DOT1L: variants seen among roughly 807,000 people sequenced by gnomAD.
The protein encoded by DOT1L is histone-lysine N-methyltransferase, H3 lysine-79 specific.
Under a neutral mutation model 153.3 loss-of-function variants are expected in DOT1L, and 33 were observed. The ratio of observed to expected loss-of-function variants is 0.22; its 90% CI spans 0.16 to 0.29. DOT1L has a LOEUF of 0.29. Among genes scored for constraint, DOT1L ranks in the 10% least tolerant of loss-of-function variants. The pLI, the probability that DOT1L is intolerant of heterozygous loss-of-function variation, is 1.00. For synonymous variants in DOT1L, 1,135 were observed against 965.1 expected, an observed-to-expected ratio of 1.18 and a Z score of -3.26; for missense variants, 1,847 against 2,119.9, an observed-to-expected ratio of 0.87 and a Z score of 2.53.
Position 2,231,571 on chromosome 19 carries a change from T to TAA in DOT1L, c.*1780_*1781dup, listed in dbSNP as rs1413477634. 1 of 200,814 alleles carries TAA rather than the reference T, an allele frequency of 5.0e-6. No homozygotes were observed. Among genetic ancestry groups the TAA allele is most frequent in the Non-Finnish European group, 1.0e-5 (1 of 97,662 alleles). 12.4% of individuals were successfully genotyped at this position (200,814 alleles called of 1,614,324 possible). A position where few individuals can be genotyped will look rare whatever the true frequency, so the allele number is the denominator to read the frequency against. ...AGATGGTGCTCCGGACCTGTCCTCT[T>TAA]AAGTGGTGCCCAGTGCCCTCCCCAC... On this transcript the variant is annotated 3_prime_UTR_variant, in exon 28 of 28. Coordinates refer to ENST00000398665, the MANE Select transcript of DOT1L (RefSeq NM_032482.3).
At position 2,226,664 on chromosome 19, in the gene DOT1L, C is replaced by T. The variant is rs747257824; in HGVS notation, c.4143C>T (p.Gly1381=). Residue 1381 remains glycine, a synonymous_variant, in exon 27 of 28, where the codon GGC becomes GGT. Coordinates refer to ENST00000398665, the MANE Select transcript of DOT1L (RefSeq NM_032482.3). Reference sequence around the variant, plus strand: ...TGGACGGCCTGGCTGGGCTGAAGGGCGAGGGCAGCCGCGGCAAGGAGGCAG... The same window carrying T: ...TGGACGGCCTGGCTGGGCTGAAGGGTGAGGGCAGCCGCGGCAAGGAGGCAG... The part of the protein sequence containing the change: ...RQLDGLAGLK[G]EGSRGKEAGE... 1.3e-5 allele frequency: 20 copies of T among 1,577,304 alleles called. No individual in the cohort carries two copies. Among genetic ancestry groups the T allele is most frequent in the Non-Finnish European group, 1.6e-5 (19 of 1,165,620 alleles).
chr19:2,223,202 C>T, intron 24 of DOT1L, 79 bp from the exon 25 acceptor site: 1 of 1,524,234 alleles, frequency 6.6e-7, no homozygotes, highest in Non-Finnish European at 9.0e-7. Flanking sequence ...AGACAGGAGC[C>T]TCCTGGGGCG....
At chr19:2,224,279 G>GGC in intron 25 of DOT1L, among the ~76,000 whole-genome samples, 1 of 152,242 alleles carries the variant, frequency 6.6e-6, no homozygotes. Flanking sequence ...CTGGTGCCTG[G>GGC]GCGGAGGTGC....
At chr19:2,214,270 C>A in intron 18 of DOT1L, 2 of 914,918 alleles carry the variant, frequency 2.2e-6, no homozygotes, top group East Asian at 2.7e-5. Context: ...GGTGTGGGTG[C>A]TGGAGCTGCC....
rs935485004 is a variant in DOT1L, at chr19:2,204,624, G to A, written c.787+1845G>A. Among the ~76,000 whole-genome samples, 1 of 152,198 alleles carries A rather than the reference G, an allele frequency of 6.6e-6. No homozygotes were observed. The highest frequency in any genetic ancestry group is 2.4e-5 in the African/African-American group (1 of 41,448). On this transcript the variant is annotated intron_variant, in intron 9 of 27. Coordinates refer to ENST00000398665, the MANE Select transcript of DOT1L (RefSeq NM_032482.3). The surrounding 1 kb of genome is among the most constrained non-coding windows in gnomAD (Gnocchi z 5.7). The stretch of plus-strand genomic sequence containing the variant: ...GATCAGACGTGGTGGCTGAGTCAGG[G>A]TACTGCAGTGGCGTCTTCTGTCCGG...
At chr19:2,200,035 T>C in intron 8 of DOT1L, 96 bp downstream of exon 8, 4 of 1,459,786 alleles carry the variant, frequency 2.7e-6, no homozygotes. Flanking sequence ...CCCTCGCTCC[T>C]GTGCTGGCTG....
chr19:2,187,134 C>T (rs947086948), intron 3 of DOT1L, among the ~76,000 whole-genome samples: 3 of 152,230 alleles, frequency 2.0e-5, no homozygotes, highest in Non-Finnish European at 4.4e-5. Context: ...CCAGGAGCCC[C>T]CCACAAGTCG....
intron 3 of DOT1L, 55 bp downstream of exon 3, chr19:2,185,984 G>A: frequency 6.6e-7 from 1 of 1,513,578 alleles, no homozygotes; most frequent in Non-Finnish European, 9.2e-7. Flanking sequence ...GGCTCTTGGG[G>A]AGGACAGGAG....
rs1281703047 is a variant in DOT1L at position 2,213,845 on chromosome 19, C to T, written c.1660-4C>T. ...ATGACCTCTCCCCCGCCCCATGTCC[C>T]CAGCTGGGTGTGAAGGCGCTGACCT... On this transcript the variant is annotated splice_polypyrimidine_tract_variant and splice_region_variant and intron_variant, in intron 17 of 27. Coordinates refer to ENST00000398665, the MANE Select transcript of DOT1L (RefSeq NM_032482.3). 2 of 1,613,108 alleles carry T rather than the reference C, an allele frequency of 1.2e-6. No individual in the cohort carries two copies. Among genetic ancestry groups the T allele is most frequent in the Non-Finnish European group, 8.5e-7 (1 of 1,180,000 alleles).
At chr19:2,199,712 G>A (rs1308277857) in intron 7 of DOT1L, among the ~76,000 whole-genome samples, 172 bp from the exon 8 acceptor site, 4 of 152,106 alleles carry the variant, frequency 2.6e-5, no homozygotes, top group Admixed American at 1.3e-4. Flanking sequence ...TCCCTCTCAC[G>A]GACCCTTCTG....
Position 2,227,147 on chromosome 19 carries a change from G to A in DOT1L, c.4606+20G>A, listed in dbSNP as rs775637995. 3.9e-6 allele frequency: 6 copies of A among 1,556,460 alleles called. No individual in the cohort carries two copies. The highest frequency in any genetic ancestry group is 4.7e-5 in the East Asian group (2 of 42,618). ...TTGGAGGTAGGCAGGGCGGCCGTCC[G>A]TCCGCCCCCCGCCCCGGCCCCCGCC... On this transcript the variant is annotated intron_variant, in intron 27 of 27. Coordinates refer to ENST00000398665, the MANE Select transcript of DOT1L (RefSeq NM_032482.3).
chr19:2,198,091 T>A (rs565517527), intron 7 of DOT1L, among the ~76,000 whole-genome samples: 1 of 152,212 alleles, frequency 6.6e-6, no homozygotes, highest in African/African-American at 2.4e-5. Context: ...CCACGGTGTT[T>A]GCAGGAACAG....
Position 2,232,278 on chromosome 19 carries a change from T to G in DOT1L, c.*2486T>G, listed in dbSNP as rs1364382596. 1 of 215,016 alleles carries G rather than the reference T, an allele frequency of 4.7e-6. No homozygotes were observed. Among genetic ancestry groups the G allele is most frequent in the African/African-American group, 2.3e-5 (1 of 43,852 alleles). 13.3% of individuals were successfully genotyped at this position (215,016 alleles called of 1,614,324 possible). A position where few individuals can be genotyped will look rare whatever the true frequency, so the allele number is the denominator to read the frequency against. ...CACGCACAGTGACTTATTTAAGACT[T>G]CCCCCTTAATTTATCTGCCCCCAGG... is the stretch of plus-strand genomic sequence containing the variant. On this transcript the variant is annotated 3_prime_UTR_variant, in exon 28 of 28. Transcript: ENST00000398665.
chr19:2,187,622 G>A (rs1168871380), intron 3 of DOT1L, among the ~76,000 whole-genome samples: 1 of 152,170 alleles, frequency 6.6e-6, no homozygotes, highest in Non-Finnish European at 1.5e-5. Context: ...AAGGCGGCGT[G>A]TAGAAGTGGA....
rs2023071713 is a variant in DOT1L, at chr19:2,197,474, G to A, written c.652-2410G>A. ...TGGGCTGAGCCTTGCTCAGGAGAGG[G>A]GTGCTGTCGGGTGGTGGGGCTGCCG... On this transcript the variant is annotated intron_variant, in intron 7 of 27. Transcript: ENST00000398665. The surrounding 1 kb of genome is among the most constrained non-coding windows in gnomAD (Gnocchi z 4.1). Among the ~76,000 whole-genome samples the A allele has an allele frequency of 6.6e-6, 1 of 152,188 alleles. No homozygotes were observed. The highest frequency in any genetic ancestry group is 6.5e-5 in the Admixed American group (1 of 15,276).
At chr19:2,169,674 A>G (rs2020054023) in intron 1 of DOT1L, among the ~76,000 whole-genome samples, 1 of 151,988 alleles carries the variant, frequency 6.6e-6, no homozygotes, top group African/African-American at 2.4e-5. Context: ...TTTCCTTTAA[A>G]AATCTGCTTG....
Position 2,226,805 on chromosome 19 carries a change from C to T in DOT1L, c.4284C>T (p.Ile1428=), listed in dbSNP as rs767236314. The T allele has an allele frequency of 3.8e-6, 6 of 1,580,184 alleles. No homozygotes were observed. The East Asian group carries it at 9.2e-5, about 24-fold the overall frequency. The change falls in exon 27 of 28, where the codon ATC becomes ATT. Residue 1428 remains isoleucine (I), a synonymous_variant. Transcript: ENST00000398665. ...TCAAGAATGGCCACAACCTCTTCAT[C>T]TCTGCGGCGGCCGTGCCTCCCGGAA... is the stretch of plus-strand genomic sequence containing the variant. ...VDLKNGHNLF[I]SAAAVPPGSL...
intron 17 of DOT1L, 69 bp downstream of exon 17, chr19:2,213,709 G>A (rs771456538): frequency 1.4e-5 from 22 of 1,603,326 alleles, no homozygotes; most frequent in Middle Eastern, 1.7e-4. Context: ...CATGTCCGTC[G>A]GTATGGCTTC....
In DOT1L at chr19:2,216,437, C is replaced by T. The variant is rs767818465; in HGVS notation, c.2080C>T (p.Leu694=). Reference sequence around the variant, plus strand: ...TGACGCCAGCCGGCTGCACCTGGAGCTGGACTGCACCAAGTTCTCGCTGCC... The same window carrying T: ...TGACGCCAGCCGGCTGCACCTGGAGTTGGACTGCACCAAGTTCTCGCTGCC... ...EPDASRLHLE[L]DCTKFSLPHL... is the part of the protein sequence containing the mutation. Residue 694 remains leucine, a synonymous_variant, in exon 20 of 28, where the codon CTG becomes TTG. Coordinates refer to ENST00000398665, the MANE Select transcript of DOT1L (RefSeq NM_032482.3). The T allele has an allele frequency of 4.3e-6, 7 of 1,612,478 alleles. No homozygotes were observed. In the African/African-American group the frequency reaches 6.7e-5, roughly 15 times the overall value.
Sources: gnomAD v4.1 joint callset for allele counts (sites outside exome capture counted in the v4.1 genomes callset) on GRCh38, gnomAD v4.1.1 for gene constraint, Gnocchi (gnomAD v3.1) non-coding constraint, MANE v1.5 for transcripts, NCBI Gene and HGNC (gene_info 2026-07-23, HGNC 2026-07-21) for gene names.